PTP4A2: variants seen among roughly 807,000 people sequenced by gnomAD.
PTP4A2 encodes protein tyrosine phosphatase 4A2, also known as protein tyrosine phosphatase type IVA 2.
Under a neutral mutation model 22.9 loss-of-function variants are expected in PTP4A2, and 2 were observed. That is an observed-to-expected ratio of 0.09 (90% CI 0.04 to 0.27). The LOEUF (loss-of-function observed/expected upper bound fraction) is 0.27, where lower values mean the gene tolerates loss of function less well. PTP4A2 is among the 10% of genes least tolerant of loss of function. The pLI is 1.00. For missense variants in PTP4A2, 103 were observed against 205.1 expected, an observed-to-expected ratio of 0.50 and a Z score of 3.04; for synonymous variants, 68 against 69.1, an observed-to-expected ratio of 0.98 and a Z score of 0.08.
rs1651273792 is a variant in PTP4A2 at position 31,908,108 on chromosome 1, T to C, written c.*744A>G. On this transcript the variant is annotated 3_prime_UTR_variant, in exon 6 of 6. Coordinates refer to ENST00000647444, the MANE Select transcript of PTP4A2 (RefSeq NM_080391.4). The stretch of plus-strand genomic sequence containing the variant: ...TCATCAGTAAAGACTAAAAACCACC[T>C]GGAAAATATATATATATATATATAT... The C allele has an allele frequency of 3.9e-5, 2 of 50,686 alleles. No homozygotes were observed. The highest frequency in any genetic ancestry group is 9.0e-5 in the African/African-American group (1 of 11,132). The allele number at this position is 50,686 out of a possible 1,614,324, so 3.1% of individuals were successfully genotyped here.
intron 1 of PTP4A2, chr1:31,935,566 T>A (rs767918931): frequency 2.6e-5 from 4 of 152,246 alleles, no homozygotes; most frequent in Non-Finnish European, 1.5e-5. Context: ...ATTATCTGTA[T>A]GACCTGGGAC....
chr1:31,907,637 G>A lies in PTP4A2; in HGVS notation c.*1215C>T, dbSNP rs891770382. The A allele has an allele frequency of 6.6e-6, 1 of 151,810 alleles. No homozygotes were observed. Among genetic ancestry groups the A allele is most frequent in the African/African-American group, 2.4e-5 (1 of 41,294 alleles). The allele number at this position is 151,810 out of a possible 1,614,324, so 9.4% of individuals were successfully genotyped here. A position where few individuals can be genotyped will look rare whatever the true frequency, so the allele number is the denominator to read the frequency against. Reference sequence around the variant, plus strand: ...GTGGTTAAACTGAACTTTACATATAGGGGGCAGTTTGGAAAACACATACCA... The same window carrying A: ...GTGGTTAAACTGAACTTTACATATAAGGGGCAGTTTGGAAAACACATACCA... On this transcript the variant is annotated 3_prime_UTR_variant, in exon 6 of 6. Transcript: ENST00000647444.
chr1:31,914,122 A>T (rs1460238106), intron 3 of PTP4A2: 4 of 389,920 alleles, frequency 1.0e-5, no homozygotes, highest in Admixed American at 5.8e-5. Flanking sequence ...GCTGGAGCAC[A>T]GCAGCACAAT....
chr1:31,913,263 T>C (rs1429499748), intron 3 of PTP4A2, among the ~76,000 whole-genome samples: 1 of 152,214 alleles, frequency 6.6e-6, no homozygotes, highest in Non-Finnish European at 1.5e-5. Context: ...CAAAATTAGA[T>C]TAACTCTTAA....
intron 1 of PTP4A2, among the ~76,000 whole-genome samples, chr1:31,935,065 T>C (rs1409746076): frequency 6.6e-6 from 1 of 152,246 alleles, no homozygotes; most frequent in African/African-American, 2.4e-5. Flanking sequence ...TGCTTTCACG[T>C]GTATTTTCTC....
Position 31,911,769 on chromosome 1 carries a change from T to C in PTP4A2, c.247A>G (p.Asn83Asp), listed in dbSNP as rs754734656. Residue 83 changes from asparagine (N) to aspartate (D), a missense_variant, in exon 4 of 6, where the codon AAC becomes GAC. By Grantham distance (23) the Asn-to-Asp change is conservative. This residue lies in a region of PTP4A2 where 66 missense variants were observed against 113.0 expected (regional missense o/e 0.58). Coordinates refer to ENST00000647444, the MANE Select transcript of PTP4A2 (RefSeq NM_080391.4). Reference sequence around the variant, plus strand: ...TCACGAAATTTGGTTTTTAACAGGTTTAACCAATCATCTACTATCTGATTA... The same window carrying C: ...TCACGAAATTTGGTTTTTAACAGGTCTAACCAATCATCTACTATCTGATTA... ...PPNQIVDDWL[N>D]LLKTKFREEP... 1.2e-6 allele frequency: 2 copies of C among 1,607,298 alleles called. No homozygotes were observed. The highest frequency in any genetic ancestry group is 1.3e-5 in the African/African-American group (1 of 74,620).
intron 1 of PTP4A2, among the ~76,000 whole-genome samples, chr1:31,921,195 G>T (rs1018679558): frequency 3.3e-5 from 5 of 152,120 alleles, no homozygotes; most frequent in Non-Finnish European, 7.4e-5. Flanking sequence ...CAAGTCTTGA[G>T]TAGTTGTTAC....
chr1:31,928,230 TAATA>T (rs1006815236), intron 1 of PTP4A2, among the ~76,000 whole-genome samples: 2 of 144,256 alleles, frequency 1.4e-5, no homozygotes, highest in African/African-American at 5.3e-5. Flanking sequence ...TATAATAATA[TAATA>T]TATAGCATAA....
At chr1:31,920,967 A>T (rs1328253778) in intron 1 of PTP4A2, among the ~76,000 whole-genome samples, 1 of 152,152 alleles carries the variant, frequency 6.6e-6, no homozygotes. Flanking sequence ...TCAAAATTTC[A>T]CTTTGAGGAT....
At chr1:31,911,031 T>C (rs1402484746) in intron 4 of PTP4A2, 1 of 152,226 alleles carries the variant, frequency 6.6e-6, no homozygotes, top group Non-Finnish European at 1.5e-5. Context: ...TACAACATTA[T>C]CTTCAACCTT....
intron 3 of PTP4A2, 71 bp downstream of exon 3, chr1:31,915,824 G>C: frequency 5.8e-6 from 6 of 1,034,852 alleles, no homozygotes; most frequent in Middle Eastern, 3.2e-4. Context: ...AGTGCACCTG[G>C]CCTAGTTTTA....
chr1:31,935,821 T>A (rs1244583104), intron 1 of PTP4A2, among the ~76,000 whole-genome samples: 1 of 152,258 alleles, frequency 6.6e-6, no homozygotes, highest in African/African-American at 2.4e-5. Context: ...CAATACTATT[T>A]ACTATTTCTT....
chr1:31,922,018 T>C (rs1652179796), intron 1 of PTP4A2, among the ~76,000 whole-genome samples: 1 of 152,080 alleles, frequency 6.6e-6, no homozygotes. Flanking sequence ...ATGTCTACCC[T>C]CAAAACTAAA....
Position 31,919,677 on chromosome 1 carries a change from A to C in PTP4A2, c.-593-19T>G, listed in dbSNP as rs1652037347. 1 of 152,722 alleles carries C rather than the reference A, an allele frequency of 6.5e-6. No homozygotes were observed. Among genetic ancestry groups the C allele is most frequent in the Non-Finnish European group, 1.5e-5 (1 of 68,070 alleles). 9.5% of individuals were successfully genotyped at this position (152,722 alleles called of 1,614,324 possible). A position where few individuals can be genotyped will look rare whatever the true frequency, so the allele number is the denominator to read the frequency against. ...GAAAAACCTGGAGAAGAAAAGAATA[A>C]GTAAAATGAACTAGAGGCTGATGGC... On this transcript the variant is annotated intron_variant, in intron 1 of 5. Transcript: ENST00000647444.
intron 4 of PTP4A2, 41 bp from the exon 5 acceptor site, chr1:31,910,153 G>C: frequency 3.3e-6 from 5 of 1,514,108 alleles, no homozygotes; most frequent in Non-Finnish European, 2.7e-6. Flanking sequence ...ATAAGTCTTG[G>C]AGTGAAAGGA....
chr1:31,935,197 TAAG>T (rs1379635020), intron 1 of PTP4A2, among the ~76,000 whole-genome samples: 1 of 152,152 alleles, frequency 6.6e-6, no homozygotes, highest in Non-Finnish European at 1.5e-5. Flanking sequence ...ATAAAAAACA[TAAG>T]ACGCTGCTGC....
rs1210149353 is a variant in PTP4A2 at position 31,911,703 on chromosome 1, A to G, written c.313T>C (p.Leu105=). The change falls in exon 4 of 6, where the codon TTG becomes CTG. Residue 105 remains leucine (L), a synonymous_variant. Coordinates refer to ENST00000647444, the MANE Select transcript of PTP4A2 (RefSeq NM_080391.4). ...ATAAAGGTAAGAGTTTACCTTCCCA[A>G]TCCTGCAACACAATGCACTGCAACA... ...CCVAVHCVAG[L]GRAPVLVALA... is the part of the protein sequence containing the mutation. 1.3e-6 allele frequency: 2 copies of G among 1,589,506 alleles called. No homozygotes were observed. The highest frequency in any genetic ancestry group is 2.3e-5 in the East Asian group (1 of 43,406).
At position 31,934,768 on chromosome 1, in the gene PTP4A2, A is replaced by G. The variant is rs972008821; in HGVS notation, c.-594+3219T>C. On this transcript the variant is annotated intron_variant, in intron 1 of 5. Coordinates refer to ENST00000647444, the MANE Select transcript of PTP4A2 (RefSeq NM_080391.4). ...AAGCTATACACAAAAGTATTCAAAC[A>G]TTTACTCTTCCTAGTGCTACAAAGT... 2.0e-5 allele frequency among the ~76,000 whole-genome samples: 3 copies of G among 152,220 alleles called. No individual in the cohort carries two copies. In the South Asian group the frequency reaches 6.2e-4, roughly 32 times the overall value.
intron 1 of PTP4A2, among the ~76,000 whole-genome samples, chr1:31,928,226 AAT>A (rs1652561097): frequency 6.9e-6 from 1 of 145,890 alleles, no homozygotes; most frequent in South Asian, 2.1e-4. Flanking sequence ...TAAATATAAT[AAT>A]ATAATATATA....
Sources: gnomAD v4.1 joint callset for allele counts (sites outside exome capture counted in the v4.1 genomes callset) on GRCh38, gnomAD v4.1.1 for gene constraint, gnomAD v4.1.1 regional missense constraint, MANE v1.5 for transcripts, NCBI Gene and HGNC (gene_info 2026-07-23, HGNC 2026-07-21) for gene names.